Variants in MED13 observed in about 807,000 individuals in gnomAD.
MED13 encodes the protein mediator of RNA polymerase II transcription subunit 13.
A neutral mutation model predicts 225.2 loss-of-function variants in MED13; 23 were observed. The observed-to-expected ratio is 0.10, with a 90% CI of 0.07 to 0.14. MED13 has a LOEUF of 0.14. MED13 is among the 10% of genes least tolerant of loss of function. The probability of loss-of-function intolerance (pLI) is 1.00; values close to 1 mark genes in which losing one functional copy is unlikely to be tolerated. For synonymous variants in MED13, 942 were observed against 889.2 expected, an observed-to-expected ratio of 1.06 and a Z score of -1.06; for missense variants, 2,197 against 2,594.5, an observed-to-expected ratio of 0.85 and a Z score of 3.33.
intron 3 of MED13, among the ~76,000 whole-genome samples, chr17:62,049,488 A>G (rs780319958): frequency 2.0e-5 from 3 of 152,166 alleles, no homozygotes; most frequent in Admixed American, 6.5e-5. Context: ...CAATCTATCA[A>G]TGAATGAGCA....
intron 8 of MED13, among the ~76,000 whole-genome samples, chr17:62,018,800 T>C (rs923929054): frequency 5.3e-5 from 8 of 152,196 alleles, no homozygotes; most frequent in Admixed American, 2.6e-4. Flanking sequence ...TGAGCATCCG[T>C]AGATTTTGTT....
chr17:61,992,837 C>T (rs1021508492), intron 10 of MED13, among the ~76,000 whole-genome samples: 3 of 115,412 alleles, frequency 2.6e-5, no homozygotes, highest in African/African-American at 6.9e-5. Context: ...GGCACGATCT[C>T]GGCTCACTTG....
intron 8 of MED13, among the ~76,000 whole-genome samples, chr17:62,014,333 T>TG (rs2080542146): frequency 6.6e-6 from 1 of 151,160 alleles, no homozygotes; most frequent in Non-Finnish European, 1.5e-5. Context: ...TATATATATT[T>TG]TGAGACACAG....
rs923268661 is a variant in MED13, at chr17:61,964,864, A to T, written c.4844+142T>A. On this transcript the variant is annotated intron_variant, in intron 20 of 29. Coordinates refer to ENST00000397786, the MANE Select transcript of MED13 (RefSeq NM_005121.3). ...GGGAGGAGAATCACTTGAACTCGGG[A>T]GGCAGAGGTTGCAGTGAGTGCAGAT... 4.1e-6 allele frequency: 3 copies of T among 737,992 alleles called. No individual in the cohort carries two copies. The African/African-American group carries it at 5.3e-5, about 13-fold the overall frequency. 45.7% of individuals were successfully genotyped at this position (737,992 alleles called of 1,614,324 possible). A position where few individuals can be genotyped will look rare whatever the true frequency, so the allele number is the denominator to read the frequency against.
intron 11 of MED13, among the ~76,000 whole-genome samples, chr17:61,991,325 G>C (rs2080296720): frequency 6.6e-6 from 1 of 151,752 alleles, no homozygotes; most frequent in Non-Finnish European, 1.5e-5. Flanking sequence ...CACCTTGTTG[G>C]CCAGGCTGGT....
chr17:62,018,652 T>A (rs1052878858), intron 8 of MED13, among the ~76,000 whole-genome samples: 15 of 151,268 alleles, frequency 9.9e-5, no homozygotes, highest in African/African-American at 3.7e-4. Context: ...AGGGGCAGGT[T>A]GCAGTAAGCC....
chr17:62,045,302 C>T (rs973036708), intron 3 of MED13, among the ~76,000 whole-genome samples: 3 of 152,164 alleles, frequency 2.0e-5, no homozygotes, highest in Admixed American at 2.0e-4. Flanking sequence ...CTTTACCGCA[C>T]ACTCAGCTAA....
At chr17:62,011,797 A>G (rs1232388996) in intron 8 of MED13, among the ~76,000 whole-genome samples, 1 of 152,246 alleles carries the variant, frequency 6.6e-6, no homozygotes, top group Non-Finnish European at 1.5e-5. Context: ...TTAGCACTAC[A>G]AAAAGAATAA....
intron 20 of MED13, 42 bp from the exon 21 acceptor site, chr17:61,963,013 T>C: frequency 6.4e-7 from 1 of 1,569,256 alleles, no homozygotes; most frequent in Non-Finnish European, 8.8e-7. Flanking sequence ...TTGTACTGTA[T>C]ATGCTTGGGG....
At chr17:62,017,565 T>A (rs2080595309) in intron 8 of MED13, among the ~76,000 whole-genome samples, 1 of 152,172 alleles carries the variant, frequency 6.6e-6, no homozygotes, top group Non-Finnish European at 1.5e-5. Context: ...CAAAACAGTA[T>A]CTGACTTTTT....
rs746362235 is a variant in MED13 at position 61,983,122 on chromosome 17, C to T, written c.2889-8G>A. ...TCCATATTACTTCCATCACTATCAT[C>T]ACCAGGGTAAAAGAAGATCAAATAT... On this transcript the variant is annotated splice_region_variant and splice_polypyrimidine_tract_variant and intron_variant, in intron 15 of 29. Transcript: ENST00000397786. The T allele has an allele frequency of 2.0e-5, 32 of 1,582,498 alleles. No homozygotes were observed. In the South Asian group the frequency reaches 3.7e-4, roughly 18 times the overall value.
chr17:62,021,380 A>C (rs1421152043), intron 8 of MED13, among the ~76,000 whole-genome samples: 11 of 117,378 alleles, frequency 9.4e-5, no homozygotes, highest in South Asian at 2.9e-4. Context: ...ACCCCTCCCC[A>C]CCTCCCTCCC....
intron 8 of MED13, among the ~76,000 whole-genome samples, chr17:62,022,100 G>A (rs2080653379): frequency 1.3e-5 from 2 of 151,262 alleles, no homozygotes; most frequent in African/African-American, 4.9e-5. Flanking sequence ...CCCAGGAGAC[G>A]GAGGTTGCAG....
intron 23 of MED13, among the ~76,000 whole-genome samples, chr17:61,956,791 G>A (rs938481197): frequency 6.6e-6 from 1 of 151,946 alleles, no homozygotes; most frequent in African/African-American, 2.4e-5. Flanking sequence ...TGCCTGCCTC[G>A]TCCCCTCAAA....
chr17:62,035,644 C>CT (rs1482398743), intron 3 of MED13, 36 bp from the exon 4 acceptor site: 2 of 1,566,902 alleles, frequency 1.3e-6, no homozygotes, highest in Non-Finnish European at 1.7e-6. Context: ...TTAGTGATGA[C>CT]TAGTGGCCAA....
At chr17:62,015,948 ATATATATTTTTTTT>A (rs2080572139) in intron 8 of MED13, among the ~76,000 whole-genome samples, 2 of 14,638 alleles carry the variant, frequency 1.4e-4, no homozygotes, top group African/African-American at 2.5e-4. Context: ...ATATATATAT[ATATATATTTTTTTT>A]TTTTTTTTTT....
chr17:62,060,578 A>G (rs1603410616), intron 2 of MED13, among the ~76,000 whole-genome samples: 1 of 148,724 alleles, frequency 6.7e-6, no homozygotes, highest in East Asian at 2.1e-4. Context: ...AGCAAGCTCC[A>G]CTGCACTCAG....
At chr17:62,050,208 AT>A (rs2080943642) in intron 3 of MED13, among the ~76,000 whole-genome samples, 1 of 151,830 alleles carries the variant, frequency 6.6e-6, no homozygotes, top group South Asian at 2.1e-4. Flanking sequence ...AAACACAAAA[AT>A]TAGCTGGGTA....
intron 1 of MED13, among the ~76,000 whole-genome samples, chr17:62,063,675 A>G (rs1311115991): frequency 6.6e-6 from 1 of 152,242 alleles, no homozygotes; most frequent in Admixed American, 6.5e-5. Flanking sequence ...ATCAATTATT[A>G]AAGACCCTAT....
Sources: gnomAD v4.1 joint callset for allele counts (sites outside exome capture counted in the v4.1 genomes callset) on GRCh38, gnomAD v4.1.1 for gene constraint, MANE v1.5 for transcripts, NCBI Gene and HGNC (gene_info 2026-07-23, HGNC 2026-07-21) for gene names.